The following EEPD1 variants were observed in gnomAD, a reference collection of about 807,000 sequenced individuals.
EEPD1 encodes the protein endonuclease/exonuclease/phosphatase family domain-containing protein 1.
A neutral mutation model predicts 46.3 loss-of-function variants in EEPD1; 17 were observed. That is an observed-to-expected ratio of 0.37 (90% CI 0.25 to 0.55). The LOEUF is 0.55. Ranked by LOEUF, EEPD1 falls within the 20% of genes least tolerant of loss-of-function variation. The pLI is 0.83. For missense variants in EEPD1, 673 were observed against 745.6 expected, an observed-to-expected ratio of 0.90 and a Z score of 1.13; for synonymous variants, 313 against 315.6, an observed-to-expected ratio of 0.99 and a Z score of 0.09.
At chr7:36,258,607 G>T (rs1271407550) in intron 3 of EEPD1, among the ~76,000 whole-genome samples, 1 of 152,172 alleles carries the variant, frequency 6.6e-6, no homozygotes, top group East Asian at 1.9e-4. Flanking sequence ...GGAACTTCCA[G>T]GCGGCTTTGT....
intron 3 of EEPD1, among the ~76,000 whole-genome samples, chr7:36,244,106 CTTAG>C (rs1331814573): frequency 1.3e-5 from 2 of 151,974 alleles, no homozygotes; most frequent in Admixed American, 6.6e-5. Context: ...CAAAAAAGGG[CTTAG>C]TTAGACACAC....
intron 3 of EEPD1, among the ~76,000 whole-genome samples, chr7:36,261,158 G>A (rs1322520282): frequency 6.6e-6 from 1 of 152,162 alleles, no homozygotes; most frequent in Non-Finnish European, 1.5e-5. Context: ...AAATGGGTGG[G>A]TGGATGGATG....
At chr7:36,211,603 A>G (rs1785934609) in intron 2 of EEPD1, among the ~76,000 whole-genome samples, 1 of 152,216 alleles carries the variant, frequency 6.6e-6, no homozygotes, top group South Asian at 2.1e-4. Context: ...GAAAGAAGAA[A>G]GAGCAGTGGG....
rs763902064 is a variant in EEPD1 at position 36,154,819 on chromosome 7, C to T, written c.495C>T (p.Arg165=). 1.9e-6 allele frequency: 3 copies of T among 1,614,202 alleles called. No homozygotes were observed. The highest frequency in any genetic ancestry group is 3.3e-5 in the Admixed American group (2 of 60,036). Residue 165 remains arginine (R), a synonymous_variant, in exon 2 of 8, where the codon CGC becomes CGT. Transcript: ENST00000242108. The surrounding 1 kb of genome is among the most constrained non-coding windows in gnomAD (Gnocchi z 4.2). ...TGGCCCTCAGCATCGTGGACTTCCG[C>T]CGTGAGCATGGGCCCTTTCGCAGCG... ...EKMALSIVDF[R]REHGPFRSVE...
chr7:36,188,083 A>G (rs770532745), intron 2 of EEPD1, among the ~76,000 whole-genome samples: 1 of 152,218 alleles, frequency 6.6e-6, no homozygotes, highest in Non-Finnish European at 1.5e-5. Flanking sequence ...GGTGTGAGCC[A>G]CTGTGCCTGG....
rs77860124 is a variant in EEPD1, at chr7:36,175,069, C to A, written c.878+19867C>A. Among the ~76,000 whole-genome samples, 813 of 152,270 alleles carry A rather than the reference C, an allele frequency of 5.3e-3. 10 individuals are homozygous for A. The highest frequency in any genetic ancestry group is 0.019 in the African/African-American group (785 of 41,542). ...TGGTTACAAGGTTTGCCTTATTTGA[C>A]CATGGTTTAAACCGTTGATCCCCTT... On this transcript the variant is annotated intron_variant, in intron 2 of 7. Transcript: ENST00000242108.
At chr7:36,257,476 G>C (rs1786844703) in intron 3 of EEPD1, among the ~76,000 whole-genome samples, 2 of 151,828 alleles carry the variant, frequency 1.3e-5, no homozygotes, top group Admixed American at 1.3e-4. Flanking sequence ...ATGTAGGTTT[G>C]GTCTTTTCAC....
intron 3 of EEPD1, among the ~76,000 whole-genome samples, chr7:36,258,812 T>C (rs1778811118): frequency 1.3e-5 from 2 of 151,778 alleles, no homozygotes; most frequent in African/African-American, 4.8e-5. Flanking sequence ...GGCTTCAGCC[T>C]TATTTCCACG....
chr7:36,296,588 T>A (rs1024333499), intron 6 of EEPD1, among the ~76,000 whole-genome samples: 40 of 152,166 alleles, frequency 2.6e-4, no homozygotes, highest in African/African-American at 9.7e-4. Flanking sequence ...TTCTAGTCTG[T>A]CTCTCAGAGC....
chr7:36,300,107 T>G lies in EEPD1; in HGVS notation c.*901T>G, dbSNP rs1296714249. The G allele has an allele frequency of 6.6e-6, 1 of 152,332 alleles. No homozygotes were observed. Among genetic ancestry groups the G allele is most frequent in the African/African-American group, 2.4e-5 (1 of 41,450 alleles). The allele number at this position is 152,332 out of a possible 1,614,324, so 9.4% of individuals were successfully genotyped here. A position where few individuals can be genotyped will look rare whatever the true frequency, so the allele number is the denominator to read the frequency against. On this transcript the variant is annotated 3_prime_UTR_variant, in exon 8 of 8. Transcript: ENST00000242108. The stretch of plus-strand genomic sequence containing the variant: ...CTCCCTCCTCCCCACTCACTCCAGT[T>G]TTTAGCCCGGAGCCTCCTGTGGTTG...
intron 3 of EEPD1, among the ~76,000 whole-genome samples, chr7:36,243,773 C>T (rs557711710): frequency 6.6e-6 from 1 of 151,952 alleles, no homozygotes; most frequent in Non-Finnish European, 1.5e-5. Flanking sequence ...TGGAAATCAT[C>T]ATTCTCAGTA....
intron 3 of EEPD1, among the ~76,000 whole-genome samples, chr7:36,261,245 G>A (rs915658303): frequency 6.6e-6 from 1 of 152,198 alleles, no homozygotes; most frequent in Admixed American, 6.5e-5. Flanking sequence ...TCATGGTCCA[G>A]AATGTTTGAA....
intron 2 of EEPD1, among the ~76,000 whole-genome samples, chr7:36,213,557 A>G (rs2071554579): frequency 1.3e-5 from 2 of 152,294 alleles, no homozygotes; most frequent in Middle Eastern, 6.8e-3. Flanking sequence ...ATTGCCCAGG[A>G]GTGGCATAGA....
chr7:36,178,904 G>T (rs983870870), intron 2 of EEPD1, among the ~76,000 whole-genome samples: 13 of 152,320 alleles, frequency 8.5e-5, no homozygotes, highest in African/African-American at 3.1e-4. Flanking sequence ...CTAAAGTCTA[G>T]AACCCTTTCT....
In EEPD1 at chr7:36,299,011, C is replaced by T. The variant is rs767617823; in HGVS notation, c.1515C>T (p.His505=). The part of the protein sequence containing the change: ...SKSLKKVFTG[H]WAVVREGLTN... Reference sequence around the variant, plus strand: ...CTTTCCTTCCTCTCCCTTCAGGTCACTGGGCTGTGGTGAGAGAAGGCCTCA... The same window carrying T: ...CTTTCCTTCCTCTCCCTTCAGGTCATTGGGCTGTGGTGAGAGAAGGCCTCA... Residue 505 remains histidine, a synonymous_variant, in exon 8 of 8, where the codon CAC becomes CAT. Coordinates refer to ENST00000242108, the MANE Select transcript of EEPD1 (RefSeq NM_030636.3). 1.2e-6 allele frequency: 2 copies of T among 1,614,066 alleles called. No homozygotes were observed. The highest frequency in any genetic ancestry group is 2.2e-5 in the South Asian group (2 of 91,066).
At chr7:36,209,760 G>A (rs1253530359) in intron 2 of EEPD1, among the ~76,000 whole-genome samples, 1 of 152,132 alleles carries the variant, frequency 6.6e-6, no homozygotes, top group African/African-American at 2.4e-5. Context: ...AGAGTACCAA[G>A]CCATTCATGA....
chr7:36,279,095 C>G (rs1253465282), intron 3 of EEPD1, among the ~76,000 whole-genome samples: 1 of 6,898 alleles, frequency 1.4e-4, no homozygotes, highest in African/African-American at 2.4e-4. Context: ...ACCCCGACTC[C>G]CCCGCATCCC....
chr7:36,242,854 G>A (rs959846094), intron 3 of EEPD1, among the ~76,000 whole-genome samples: 8 of 151,578 alleles, frequency 5.3e-5, no homozygotes, highest in African/African-American at 9.7e-5. Context: ...TCTTAAACCC[G>A]GGAGGTGGAG....
At position 36,296,629 on chromosome 7, in the gene EEPD1, C is replaced by T. The variant is rs554783674; in HGVS notation, c.1316-364C>T. 3.8e-4 allele frequency among the ~76,000 whole-genome samples: 58 copies of T among 150,774 alleles called. 2 individuals are homozygous for T. The South Asian group carries it at 0.012, about 31-fold the overall frequency. Reference sequence around the variant, plus strand: ...TTGCATTTTATTCATCTCTGGATTTCCTGCATAGTAAGTGCCCAGTAGTAT... The same window carrying T: ...TTGCATTTTATTCATCTCTGGATTTTCTGCATAGTAAGTGCCCAGTAGTAT... On this transcript the variant is annotated intron_variant, in intron 6 of 7. Coordinates refer to ENST00000242108, the MANE Select transcript of EEPD1 (RefSeq NM_030636.3).
Sources: gnomAD v4.1 joint callset for allele counts (sites outside exome capture counted in the v4.1 genomes callset) on GRCh38, gnomAD v4.1.1 for gene constraint, Gnocchi (gnomAD v3.1) non-coding constraint, MANE v1.5 for transcripts, NCBI Gene and HGNC (gene_info 2026-07-23, HGNC 2026-07-21) for gene names.